The following GABRA3 variants were observed in gnomAD, a reference collection of about 807,000 sequenced individuals.
GABRA3 encodes gamma-aminobutyric acid type A receptor subunit alpha3.
In GABRA3, 10 loss-of-function variants were observed where a neutral mutation model predicts 30.1. That is an observed-to-expected ratio of 0.33 (90% CI 0.20 to 0.56). The LOEUF (loss-of-function observed/expected upper bound fraction) is 0.56. Among genes scored for constraint, GABRA3 ranks in the 20% least tolerant of loss-of-function variants. The probability of loss-of-function intolerance (pLI) is 0.89; values close to 1 mark genes in which losing one functional copy is unlikely to be tolerated. For missense variants in GABRA3, 233 were observed against 392.0 expected (o/e 0.59, Z 3.42); for synonymous variants, 151 against 146.8 (o/e 1.03, Z -0.21).
intron 9 of GABRA3, among the ~76,000 whole-genome samples, chrX:152,169,017 A>T (rs1569344127): frequency 8.9e-6 from 1 of 112,187 alleles, no homozygotes; most frequent in Non-Finnish European, 1.9e-5. Context: ...TTGACAGATG[A>T]GAAAACTCAG....
chrX:152,222,590 T>A (rs1223834338), intron 6 of GABRA3, among the ~76,000 whole-genome samples: 1 of 109,970 alleles, frequency 9.1e-6, no homozygotes, highest in African/African-American at 3.3e-5. Context: ...TGGTTTTAGG[T>A]CTCATGGGCC....
chrX:152,334,045 A>T (rs1196508267), intron 3 of GABRA3, among the ~76,000 whole-genome samples: 6 of 111,986 alleles, frequency 5.4e-5, no homozygotes. Context: ...TTATCATGAG[A>T]ATGAAGTTTG....
rs758622684 is a variant in GABRA3 at position 152,347,485 on chromosome X, T to C, written c.141-1783A>G. ...GTACATTTTAAAATAACTAATTGGA[T>C]TGTTTTTAACACAAAGGATAAATGT... On this transcript the variant is annotated intron_variant, in intron 2 of 9. Coordinates refer to ENST00000370314, the MANE Select transcript of GABRA3 (RefSeq NM_000808.4). Among the ~76,000 whole-genome samples, 5 of 111,712 alleles carry C rather than the reference T, an allele frequency of 4.5e-5. No individual in the cohort carries two copies. The Admixed American group carries it at 4.8e-4, about 11-fold the overall frequency.
chrX:152,427,470 A>T lies in GABRA3; in HGVS notation c.-27+23676T>A, dbSNP rs973360602. Among the ~76,000 whole-genome samples the T allele has an allele frequency of 4.5e-5, 5 of 112,198 alleles. No individual in the cohort carries two copies. The Admixed American group carries it at 4.7e-4, about 11-fold the overall frequency. ...CCCTATCACTACTGAAATGGCAAAC[A>T]GCTATAGATCTTTACATTCTAAGCT... On this transcript the variant is annotated intron_variant, in intron 1 of 9. Transcript: ENST00000370314.
In GABRA3 at chrX:152,451,240, C is replaced by A. The variant is rs1931215628; in HGVS notation, c.-121G>T. ...GACAGAGCTCGGCTTCTGGCTTCTTCTTCTCTCTCTGGGTCTCTCTCCTGG... is the reference window on the plus strand; with the variant it reads ...GACAGAGCTCGGCTTCTGGCTTCTTATTCTCTCTCTGGGTCTCTCTCCTGG... On this transcript the variant is annotated 5_prime_UTR_variant, in exon 1 of 10. Coordinates refer to ENST00000370314, the MANE Select transcript of GABRA3 (RefSeq NM_000808.4). 1 of 111,055 alleles carries A rather than the reference C, an allele frequency of 9.0e-6. No individual in the cohort carries two copies. Among genetic ancestry groups the A allele is most frequent in the Non-Finnish European group, 1.9e-5 (1 of 52,965 alleles). 9.2% of individuals were successfully genotyped at this position (111,055 alleles called of 1,213,427 possible).
chrX:152,279,686 A>G (rs1362330223), intron 4 of GABRA3, among the ~76,000 whole-genome samples: 1 of 111,508 alleles, frequency 9.0e-6, no homozygotes. Context: ...CAATGAATCT[A>G]TAAATTACCT....
At chrX:152,293,021 T>C (rs1939451075) in intron 3 of GABRA3, among the ~76,000 whole-genome samples, 1 of 111,501 alleles carries the variant, frequency 9.0e-6, no homozygotes, top group Non-Finnish European at 1.9e-5. Flanking sequence ...AAAGAATGTA[T>C]ATTCTGTTGA....
At chrX:152,182,399 G>C (rs1361721442) in intron 9 of GABRA3, among the ~76,000 whole-genome samples, 1 of 87,626 alleles carries the variant, frequency 1.1e-5, no homozygotes, top group African/African-American at 4.3e-5. Flanking sequence ...ATATACACTA[G>C]TATATATAGA....
chrX:152,348,603 T>C (rs994735803), intron 2 of GABRA3, among the ~76,000 whole-genome samples: 1 of 111,397 alleles, frequency 9.0e-6, no homozygotes, highest in Admixed American at 9.5e-5. Context: ...ACTAACTGAC[T>C]GTGAGACCTA....
At chrX:152,311,849 AC>A (rs995888454) in intron 3 of GABRA3, among the ~76,000 whole-genome samples, 27 of 111,152 alleles carry the variant, frequency 2.4e-4, no homozygotes, top group South Asian at 2.3e-3. Flanking sequence ...AAAAAAAAAA[AC>A]ATCAGCAAAG....
intron 1 of GABRA3, among the ~76,000 whole-genome samples, chrX:152,409,464 A>G (rs530577631): frequency 8.9e-6 from 1 of 112,172 alleles, no homozygotes; most frequent in Middle Eastern, 4.7e-3. Context: ...TGGTCTGTGC[A>G]AAGATTTATT....
chrX:152,383,397 AAAAAAAAAAAAAAG>A (rs1188914843), intron 1 of GABRA3, among the ~76,000 whole-genome samples: 1,059 of 105,528 alleles, frequency 0.01, 18 homozygotes, highest in African/African-American at 0.035. Context: ...TCAAAAAAAA[AAAAAAAAAAAAAAG>A]AAAGAAAGAA....
chrX:152,280,790 C>T (rs1239786115), intron 4 of GABRA3, among the ~76,000 whole-genome samples: 1 of 111,079 alleles, frequency 9.0e-6, no homozygotes, highest in Non-Finnish European at 1.9e-5. Flanking sequence ...CACTAGCTGG[C>T]ACCTAGTGGG....
intron 1 of GABRA3, among the ~76,000 whole-genome samples, chrX:152,441,667 C>T (rs1930935058): frequency 9.0e-6 from 1 of 111,298 alleles, no homozygotes; most frequent in South Asian, 3.7e-4. Flanking sequence ...TAATGAAACA[C>T]AATAGAGAGC....
chrX:152,398,776 A>T (rs766382511), intron 1 of GABRA3, among the ~76,000 whole-genome samples: 22 of 111,764 alleles, frequency 2.0e-4, no homozygotes, highest in South Asian at 7.5e-4. Context: ...GAATATTTTT[A>T]AAAAAAGCAT....
chrX:152,179,064 G>T (rs781303567), intron 9 of GABRA3, among the ~76,000 whole-genome samples: 1 of 111,935 alleles, frequency 8.9e-6, no homozygotes, highest in Non-Finnish European at 1.9e-5. Flanking sequence ...ATAAATCCCT[G>T]TAGTAGCCAT....
intron 5 of GABRA3, among the ~76,000 whole-genome samples, chrX:152,239,202 C>T (rs1938299912): frequency 1.0e-5 from 1 of 98,620 alleles, no homozygotes; most frequent in Non-Finnish European, 2.0e-5. Context: ...TGTCTTTGTT[C>T]TCGTTGGTTT....
intron 6 of GABRA3, among the ~76,000 whole-genome samples, chrX:152,211,583 G>A (rs1937629173): frequency 9.0e-6 from 1 of 111,695 alleles, no homozygotes; most frequent in African/African-American, 3.3e-5. Flanking sequence ...CTACTCAATT[G>A]AGTGTCTGCT....
chrX:152,388,202 C>T (rs1681176396), intron 1 of GABRA3, among the ~76,000 whole-genome samples: 1 of 111,094 alleles, frequency 9.0e-6, no homozygotes, highest in Non-Finnish European at 1.9e-5. Context: ...TATAAGTTTT[C>T]AATCAAAGAG....
Sources: gnomAD v4.1 joint callset for allele counts (sites outside exome capture counted in the v4.1 genomes callset) on GRCh38, gnomAD v4.1.1 for gene constraint, MANE v1.5 for transcripts, NCBI Gene and HGNC (gene_info 2026-07-23, HGNC 2026-07-21) for gene names.